Variants in PCDHGB1 observed in about 807,000 individuals in gnomAD.
PCDHGB1 encodes protocadherin gamma subfamily B, 1.
Under a neutral mutation model 56.6 loss-of-function variants are expected in PCDHGB1, and 34 were observed. That is an observed-to-expected ratio of 0.60 (90% CI 0.46 to 0.80). The LOEUF (loss-of-function observed/expected upper bound fraction) is 0.80. PCDHGB1 is among the 30% of genes least tolerant of loss of function. The pLI, the probability that PCDHGB1 is intolerant of heterozygous loss-of-function variation, is 0.00. For synonymous variants in PCDHGB1, 561 were observed against 505.9 expected (o/e 1.11, Z -1.46); for missense variants, 1,278 against 1,204.6 (o/e 1.06, Z -0.90).
rs780241180 is a variant in PCDHGB1, at chr5:141,490,819, C to A, written c.2410-3988C>A. On this transcript the variant is annotated intron_variant, in intron 1 of 3. Transcript: ENST00000523390. The surrounding 1 kb of genome is among the most constrained non-coding windows in gnomAD (Gnocchi z 5.4). ...CCAGCGTACCTTTGACTATGAATTGCTGCAGATGCTGCAGATTGTGGTGGG... is the reference window on the plus strand; with the variant it reads ...CCAGCGTACCTTTGACTATGAATTGATGCAGATGCTGCAGATTGTGGTGGG... 3 of 1,613,842 alleles carry A rather than the reference C, an allele frequency of 1.9e-6. No individual in the cohort carries two copies. The highest frequency in any genetic ancestry group is 2.5e-6 in the Non-Finnish European group (3 of 1,179,804).
At chr5:141,420,945 G>C in intron 1 of PCDHGB1, 1 of 396,520 alleles carries the variant, frequency 2.5e-6, no homozygotes, top group South Asian at 5.1e-5. Flanking sequence ...ATTTCTTCTG[G>C]AATTTCTTAG....
chr5:141,463,135 C>G (rs1352400365), intron 1 of PCDHGB1, among the ~76,000 whole-genome samples: 1 of 152,128 alleles, frequency 6.6e-6, no homozygotes, highest in African/African-American at 2.4e-5. Flanking sequence ...GGCAGTTCTT[C>G]GCCCAGCTGC....
intron 1 of PCDHGB1, chr5:141,365,773 C>T: frequency 1.2e-6 from 2 of 1,613,862 alleles, no homozygotes; most frequent in African/African-American, 1.3e-5. Flanking sequence ...ACCCCGACAG[C>T]GGCGACAACG....
rs888836155 is a variant in PCDHGB1, at chr5:141,512,011, A to C, written c.*838A>C. The C allele has an allele frequency of 1.3e-5, 2 of 152,946 alleles. No homozygotes were observed. The highest frequency in any genetic ancestry group is 6.5e-5 in the Admixed American group (1 of 15,300). The allele number at this position is 152,946 out of a possible 1,614,324, so 9.5% of individuals were successfully genotyped here. ...GGCATGGACAAAGCTTGACACATCA[A>C]GTTATCAAGGCCTTGGAGGAGGCTC... On this transcript the variant is annotated 3_prime_UTR_variant, in exon 4 of 4. Coordinates refer to ENST00000523390, the MANE Select transcript of PCDHGB1 (RefSeq NM_018922.3).
At position 141,351,450 on chromosome 5, in the gene PCDHGB1, A is replaced by G. The variant is rs374291004; in HGVS notation, c.1190A>G (p.Tyr397Cys). 10 of 1,613,086 alleles carry G rather than the reference A, an allele frequency of 6.2e-6. No individual in the cohort carries two copies. Among genetic ancestry groups the G allele is most frequent in the Admixed American group, 1.7e-5 (1 of 59,816 alleles). The change falls in exon 1 of 4, where the codon TAT becomes TGT. Residue 397 changes from tyrosine to cysteine, a missense_variant. By Grantham distance (194) the Tyr-to-Cys change is radical. Transcript: ENST00000523390. ...AAATTAGAATCCACCTCGAAGAATT[A>G]TTACAAGCTGGTGATTGCTGGAGCC... ...PFKLESTSKN[Y>C]YKLVIAGALN...
chr5:141,430,493 C>G (rs1232369484), intron 1 of PCDHGB1: 1 of 285,344 alleles, frequency 3.5e-6, no homozygotes, highest in African/African-American at 2.2e-5. Flanking sequence ...ACGAAATATC[C>G]TTTCTGGGAG....
chr5:141,394,633 G>T, intron 1 of PCDHGB1: 2 of 1,613,390 alleles, frequency 1.2e-6, no homozygotes, highest in Non-Finnish European at 1.7e-6. Context: ...CTGTCCTACC[G>T]CCTGCTCAAG....
At chr5:141,414,135 A>G in intron 1 of PCDHGB1, 1 of 1,595,504 alleles carries the variant, frequency 6.3e-7, no homozygotes, top group Non-Finnish European at 8.5e-7. Context: ...GTTTCTATGA[A>G]ATAGAAATAC....
At position 141,352,718 on chromosome 5, in the gene PCDHGB1, G is replaced by A. The variant is rs374695634; in HGVS notation, c.2409+49G>A. ...AATTTTATATATGGCGGCCGGGCGC[G>A]GTGGCTCAAGCCTGTAATCCCAGCA... On this transcript the variant is annotated intron_variant, in intron 1 of 3. Coordinates refer to ENST00000523390, the MANE Select transcript of PCDHGB1 (RefSeq NM_018922.3). 1.2e-5 allele frequency: 18 copies of A among 1,536,310 alleles called. No homozygotes were observed. In the African/African-American group the frequency reaches 1.2e-4, roughly 11 times the overall value.
intron 1 of PCDHGB1, among the ~76,000 whole-genome samples, chr5:141,474,922 C>G (rs748864870): frequency 3.9e-5 from 6 of 152,238 alleles, no homozygotes; most frequent in Non-Finnish European, 8.8e-5. Flanking sequence ...CATCTCATCT[C>G]TGGCTTATAT....
chr5:141,431,658 C>T lies in PCDHGB1; in HGVS notation c.2410-63149C>T, dbSNP rs1283381348. 6.2e-7 allele frequency: 1 copy of T among 1,614,088 alleles called. No individual in the cohort carries two copies. ...TTCAAACTAGATTGTAATTCAGGGA[C>T]AATATCAACAATAGGGGAGTTGGAC... On this transcript the variant is annotated intron_variant, in intron 1 of 3. Transcript: ENST00000523390. The surrounding 1 kb of genome is among the most constrained non-coding windows in gnomAD (Gnocchi z 4.8).
At chr5:141,383,161 G>T (rs774337554) in intron 1 of PCDHGB1, 1 of 1,614,052 alleles carries the variant, frequency 6.2e-7, no homozygotes, top group East Asian at 2.2e-5. Flanking sequence ...GGTCACTGCG[G>T]GCAGGATAGA....
intron 1 of PCDHGB1, chr5:141,365,824 G>A: frequency 1.2e-6 from 2 of 1,613,926 alleles, no homozygotes; most frequent in Non-Finnish European, 1.7e-6. Context: ...CATTTCAGGG[G>A]GCGCCCTTGT....
chr5:141,505,681 G>A (rs113733387), intron 3 of PCDHGB1, among the ~76,000 whole-genome samples, 200 bp downstream of exon 3: 92 of 152,324 alleles, frequency 6.0e-4, no homozygotes, highest in African/African-American at 2.1e-3. Flanking sequence ...GGGGTCCTGG[G>A]ATGCCTGGAG....
intron 1 of PCDHGB1, chr5:141,399,019 A>G (rs576771907): frequency 2.5e-6 from 4 of 1,613,932 alleles, no homozygotes; most frequent in East Asian, 2.2e-5. Context: ...CGGAGAAATT[A>G]CCACTCAAAA....
chr5:141,390,164 G>A (rs370376667), intron 1 of PCDHGB1: 200 of 1,613,888 alleles, frequency 1.2e-4, no homozygotes, highest in Non-Finnish European at 1.6e-4. Context: ...CAGGAAAGAC[G>A]GAGTTTAATT....
chr5:141,421,760 A>G, intron 1 of PCDHGB1: 1 of 1,613,868 alleles, frequency 6.2e-7, no homozygotes, highest in South Asian at 1.1e-5. Context: ...CCTAATAATT[A>G]CTTTTCCTTG....
chr5:141,461,027 C>G (rs993151622), intron 1 of PCDHGB1, among the ~76,000 whole-genome samples: 2 of 150,168 alleles, frequency 1.3e-5, no homozygotes, highest in Non-Finnish European at 3.0e-5. Flanking sequence ...TTTTCTTTAT[C>G]CACTCATTAG....
chr5:141,473,850 G>A (rs1490458424), intron 1 of PCDHGB1, among the ~76,000 whole-genome samples: 1 of 152,184 alleles, frequency 6.6e-6, no homozygotes, highest in African/African-American at 2.4e-5. Flanking sequence ...TTAGGAAGAT[G>A]AACCTCGCTA....
Sources: allele counts gnomAD v4.1 joint callset (sites outside exome capture counted in the v4.1 genomes callset), GRCh38; gene constraint gnomAD v4.1.1; non-coding constraint Gnocchi (gnomAD v3.1); transcripts MANE v1.5; gene names NCBI Gene and HGNC (gene_info 2026-07-23, HGNC 2026-07-21).